CCDC73: variants seen among roughly 807,000 people sequenced by gnomAD.
CCDC73 encodes coiled-coil domain-containing protein 73.
A neutral mutation model predicts 116.5 loss-of-function variants in CCDC73; 95 were observed. The ratio of observed to expected loss-of-function variants is 0.82; its 90% CI spans 0.69 to 0.97. The LOEUF (loss-of-function observed/expected upper bound fraction) is 0.97, where lower values mean the gene tolerates loss of function less well. Ranked by LOEUF, CCDC73 falls within the 50% of genes least tolerant of loss-of-function variation. The pLI is 0.00. For missense variants in CCDC73, 1,066 were observed against 1,206.8 expected (o/e 0.88, Z 1.73); for synonymous variants, 398 against 401.3 (o/e 0.99, Z 0.10).
intron 2 of CCDC73, among the ~76,000 whole-genome samples, chr11:32,753,257 A>T (rs1850303001): frequency 6.6e-6 from 1 of 150,496 alleles, no homozygotes; most frequent in East Asian, 2.0e-4. Context: ...TAGTATTTGT[A>T]GAGTGTTTTT....
chr11:32,828,831 A>C, the CCDC73 span, among the ~76,000 whole-genome samples: 1 of 152,234 alleles, frequency 6.6e-6, no homozygotes, highest in Non-Finnish European at 1.5e-5. Flanking sequence ...AAATTTTCAA[A>C]ATATTATTTG....
chr11:32,758,522 G>C, intron 2 of CCDC73: 1 of 454,738 alleles, frequency 2.2e-6, no homozygotes, highest in Non-Finnish European at 4.3e-6. Flanking sequence ...TGCTAATTGT[G>C]TCCATGACAG....
intron 6 of CCDC73, among the ~76,000 whole-genome samples, chr11:32,697,795 T>G (rs1003269368): frequency 1.3e-5 from 2 of 150,714 alleles, no homozygotes; most frequent in Non-Finnish European, 2.9e-5. Flanking sequence ...GACACTGAAG[T>G]TTTTTTTGTT....
intron 7 of CCDC73, chr11:32,681,059 G>A (rs1856138539): frequency 6.6e-6 from 1 of 151,976 alleles, no homozygotes; most frequent in East Asian, 1.9e-4. Flanking sequence ...TACTGGGAAA[G>A]AAAGTATGTG....
intron 6 of CCDC73, among the ~76,000 whole-genome samples, chr11:32,687,637 T>C (rs1250247063): frequency 2.0e-5 from 3 of 152,176 alleles, no homozygotes; most frequent in Non-Finnish European, 4.4e-5. Flanking sequence ...AAAATACATA[T>C]AACTGTAAGT....
the CCDC73 span, among the ~76,000 whole-genome samples, chr11:32,805,411 T>C: frequency 6.6e-6 from 1 of 152,196 alleles, no homozygotes; most frequent in African/African-American, 2.4e-5. Context: ...GTGACATTAA[T>C]AAGCATTCCA....
chr11:32,752,416 T>C (rs1258172688), intron 2 of CCDC73, among the ~76,000 whole-genome samples: 4 of 152,202 alleles, frequency 2.6e-5, no homozygotes, highest in African/African-American at 7.2e-5. Context: ...TTATCCTAGA[T>C]AAAAATATAA....
chr11:32,708,952 G>C (rs941143288), intron 3 of CCDC73, among the ~76,000 whole-genome samples: 1 of 152,174 alleles, frequency 6.6e-6, no homozygotes, highest in Non-Finnish European at 1.5e-5. Flanking sequence ...ATGTTGAATA[G>C]AAGTGGTGAA....
intron 12 of CCDC73, among the ~76,000 whole-genome samples, chr11:32,649,144 T>C (rs1247836212): frequency 6.6e-6 from 1 of 152,162 alleles, no homozygotes; most frequent in Non-Finnish European, 1.5e-5. Flanking sequence ...TCCAGGATCT[T>C]TTGACTATGA....
chr11:32,830,245 T>C, the CCDC73 span: 1 of 1,062,318 alleles, frequency 9.4e-7, no homozygotes, highest in Non-Finnish European at 1.2e-6. Flanking sequence ...CGGACTGGGT[T>C]GGATTCGAAC....
chr11:32,830,404 C>A, the CCDC73 span: 7 of 1,015,770 alleles, frequency 6.9e-6, no homozygotes, highest in Middle Eastern at 3.4e-4. Flanking sequence ...GGCGCTCTTG[C>A]GCCTAGGCTT....
the CCDC73 span, among the ~76,000 whole-genome samples, chr11:32,809,321 G>A: frequency 6.6e-6 from 1 of 152,164 alleles, no homozygotes; most frequent in African/African-American, 2.4e-5. Flanking sequence ...GCATGGAGGA[G>A]TAGATCCAGA....
At chr11:32,620,030 A>G (rs1029896884) in intron 14 of CCDC73, among the ~76,000 whole-genome samples, 3 of 152,226 alleles carry the variant, frequency 2.0e-5, no homozygotes, top group East Asian at 3.8e-4. Context: ...ACAGATTGAG[A>G]GAAACAGTAA....
intron 2 of CCDC73, among the ~76,000 whole-genome samples, chr11:32,732,165 T>G (rs9736083): frequency 0.05 from 7,577 of 152,226 alleles, 211 homozygotes; most frequent in African/African-American, 0.071. Flanking sequence ...AGAAAGGGTA[T>G]CAGTGATTGA....
At chr11:32,820,608 T>C in the CCDC73 span, among the ~76,000 whole-genome samples, 1 of 152,284 alleles carries the variant, frequency 6.6e-6, no homozygotes, top group East Asian at 1.9e-4. Flanking sequence ...GATAAGGCAA[T>C]AATCTCTTGT....
chr11:32,638,146 C>T (rs574776352), intron 13 of CCDC73, among the ~76,000 whole-genome samples: 42 of 152,302 alleles, frequency 2.8e-4, no homozygotes, highest in Non-Finnish European at 5.1e-4. Context: ...TATCCCTCTT[C>T]ATTGTGGTAC....
intron 3 of CCDC73, among the ~76,000 whole-genome samples, chr11:32,712,131 C>T (rs925506110): frequency 4.6e-5 from 7 of 152,138 alleles, no homozygotes; most frequent in Non-Finnish European, 7.4e-5. Context: ...CACACATTTC[C>T]ACCCAGTGCT....
intron 2 of CCDC73, among the ~76,000 whole-genome samples, chr11:32,728,840 G>A (rs549042200): frequency 6.6e-6 from 1 of 152,200 alleles, no homozygotes; most frequent in African/African-American, 2.4e-5. Context: ...AAGTAGCTGG[G>A]ACTACAGGAG....
At chr11:32,650,931 T>A (rs977647286) in intron 12 of CCDC73, among the ~76,000 whole-genome samples, 2 of 152,216 alleles carry the variant, frequency 1.3e-5, no homozygotes, top group Non-Finnish European at 2.9e-5. Flanking sequence ...TTTCTTTTCT[T>A]TGCAGACCCT....
Sources: allele counts gnomAD v4.1 joint callset (sites outside exome capture counted in the v4.1 genomes callset), GRCh38; gene constraint gnomAD v4.1.1; transcripts MANE v1.5; gene names NCBI Gene and HGNC (gene_info 2026-07-23, HGNC 2026-07-21).